The following ARL15 variants were observed in gnomAD, a reference collection of about 807,000 sequenced individuals.
ARL15 encodes ADP-ribosylation factor-like protein 15.
In ARL15, 19 loss-of-function variants were observed where a neutral mutation model predicts 25.2. That is an observed-to-expected ratio of 0.75 (90% CI 0.53 to 1.10). The LOEUF is 1.10. Among genes scored for constraint, ARL15 ranks in the 50% least tolerant of loss-of-function variants. The probability of loss-of-function intolerance (pLI) is 0.00; values close to 1 mark genes in which losing one functional copy is unlikely to be tolerated. For synonymous variants in ARL15, 94 were observed against 86.8 expected (o/e 1.08, Z -0.46); for missense variants, 220 against 246.0 (o/e 0.89, Z 0.71).
chr5:54,162,564 A>G (rs903085567), intron 2 of ARL15, among the ~76,000 whole-genome samples: 2 of 152,144 alleles, frequency 1.3e-5, no homozygotes, highest in Non-Finnish European at 2.9e-5. Flanking sequence ...TATGACGTTT[A>G]CTTATATATG....
intron 4 of ARL15, chr5:53,951,451 G>A (rs1746953376): frequency 1.5e-5 from 7 of 467,378 alleles, no homozygotes; most frequent in South Asian, 1.1e-4. Flanking sequence ...CTCAATTTCT[G>A]TATTTATCTT....
intron 1 of ARL15, among the ~76,000 whole-genome samples, chr5:54,229,491 G>C (rs1756610787): frequency 6.6e-6 from 1 of 151,922 alleles, no homozygotes; most frequent in Non-Finnish European, 1.5e-5. Context: ...ACGAAGATCT[G>C]GTATAAAATG....
chr5:54,179,173 T>C (rs1200091004), intron 1 of ARL15, among the ~76,000 whole-genome samples: 1 of 152,156 alleles, frequency 6.6e-6, no homozygotes, highest in Non-Finnish European at 1.5e-5. Context: ...GGGCGTGTCA[T>C]TCAAAGGAAA....
At chr5:53,990,456 A>G (rs1308625456) in intron 4 of ARL15, among the ~76,000 whole-genome samples, 1 of 152,208 alleles carries the variant, frequency 6.6e-6, no homozygotes, top group East Asian at 1.9e-4. Flanking sequence ...AAATCAATTT[A>G]AAGTGCTAAC....
Position 54,301,390 on chromosome 5 carries a change from T to C in ARL15, c.48+9042A>G, listed in dbSNP as rs891778121. The stretch of plus-strand genomic sequence containing the variant: ...CATATATGATAAAAAGCCAAAAACA[T>C]GCATGAGACTGTTACTCACTAACCT... On this transcript the variant is annotated intron_variant, in intron 1 of 4. Coordinates refer to ENST00000504924, the MANE Select transcript of ARL15 (RefSeq NM_019087.3). 2.0e-5 allele frequency among the ~76,000 whole-genome samples: 3 copies of C among 152,114 alleles called. No homozygotes were observed. In the East Asian group the frequency reaches 5.8e-4, roughly 29 times the overall value.
intron 4 of ARL15, among the ~76,000 whole-genome samples, chr5:54,006,051 C>CAAAAA (rs56094450): frequency 5.4e-4 from 31 of 57,488 alleles, no homozygotes; most frequent in African/African-American, 7.8e-4. Context: ...ATTACATCTC[C>CAAAAA]AAAAAAAAAA....
Position 54,286,883 on chromosome 5 carries a change from TA to T in ARL15, c.48+23548del, listed in dbSNP as rs770299430. 3.9e-3 allele frequency among the ~76,000 whole-genome samples: 580 copies of T among 149,302 alleles called. 3 individuals are homozygous for T. Among genetic ancestry groups the T allele is most frequent in the African/African-American group, 0.013 (506 of 40,356 alleles). ...TTGCAGGGCTTTTTTTTTTTTTTTT[TA>T]ATGAGACAGGGTCTTACTGTGTCAC... is the stretch of plus-strand genomic sequence containing the variant. On this transcript the variant is annotated intron_variant, in intron 1 of 4. Coordinates refer to ENST00000504924, the MANE Select transcript of ARL15 (RefSeq NM_019087.3).
chr5:54,228,081 A>G (rs1242708935), intron 1 of ARL15, among the ~76,000 whole-genome samples: 1 of 152,214 alleles, frequency 6.6e-6, no homozygotes, highest in Non-Finnish European at 1.5e-5. Flanking sequence ...GGCACCTTAC[A>G]TGAAAATTAT....
intron 4 of ARL15, among the ~76,000 whole-genome samples, chr5:53,907,475 T>TAC (rs1561143768): frequency 3.0e-4 from 9 of 29,742 alleles, no homozygotes; most frequent in African/African-American, 1.4e-3. Context: ...TATATATATA[T>TAC]ATATATATAT....
At chr5:53,995,344 T>TA (rs1748635572) in intron 4 of ARL15, among the ~76,000 whole-genome samples, 1 of 151,190 alleles carries the variant, frequency 6.6e-6, no homozygotes, top group African/African-American at 2.5e-5. Flanking sequence ...GGGGATTTTT[T>TA]TAAATGATGT....
chr5:54,132,158 T>C (rs1753457785), intron 3 of ARL15, among the ~76,000 whole-genome samples: 2 of 152,142 alleles, frequency 1.3e-5, no homozygotes, highest in African/African-American at 4.8e-5. Flanking sequence ...TGCCAATATG[T>C]ACATGGAAAA....
At chr5:53,962,899 A>C (rs953649056) in intron 4 of ARL15, among the ~76,000 whole-genome samples, 5 of 152,110 alleles carry the variant, frequency 3.3e-5, no homozygotes, top group Non-Finnish European at 5.9e-5. Context: ...TGTAAAACTA[A>C]TCTCAGCTTC....
intron 4 of ARL15, among the ~76,000 whole-genome samples, chr5:54,100,344 A>C (rs1752400352): frequency 6.6e-6 from 1 of 152,100 alleles, no homozygotes; most frequent in Non-Finnish European, 1.5e-5. Context: ...AAGGGGCTTT[A>C]AATGCAGCTT....
intron 4 of ARL15, among the ~76,000 whole-genome samples, chr5:53,931,441 G>A (rs960727851): frequency 3.3e-5 from 5 of 152,208 alleles, no homozygotes; most frequent in East Asian, 1.9e-4. Flanking sequence ...GGTAGATGGT[G>A]TGCCTGATGC....
rs185122373 is a variant in ARL15, at chr5:53,978,753, T to C, written c.463-92040A>G. 7.2e-5 allele frequency among the ~76,000 whole-genome samples: 11 copies of C among 152,162 alleles called. 1 individual carries two copies. In the East Asian group the frequency reaches 9.6e-4, roughly 13 times the overall value. On this transcript the variant is annotated intron_variant, in intron 4 of 4. Transcript: ENST00000504924. ...TATATACACACACATATATATTTTA[T>C]AGAAAGTAACAAAGTACCTCAAGAT... is the stretch of plus-strand genomic sequence containing the variant.
intron 4 of ARL15, among the ~76,000 whole-genome samples, chr5:54,075,056 CT>C (rs1172322611): frequency 2.0e-5 from 1 of 50,754 alleles, no homozygotes; most frequent in Non-Finnish European, 4.0e-5. Context: ...CAGAATGATT[CT>C]TAGTACAGAA....
At chr5:53,972,937 A>G (rs1436111160) in intron 4 of ARL15, among the ~76,000 whole-genome samples, 1 of 152,216 alleles carries the variant, frequency 6.6e-6, no homozygotes, top group Non-Finnish European at 1.5e-5. Context: ...CATGTTTGCA[A>G]TGACCTAAAG....
chr5:54,128,649 T>C (rs1753334582), intron 3 of ARL15, among the ~76,000 whole-genome samples: 1 of 152,116 alleles, frequency 6.6e-6, no homozygotes, highest in Non-Finnish European at 1.5e-5. Context: ...CTATGTCATT[T>C]AGGCTTCAAC....
Position 53,884,564 on chromosome 5 carries a change from A to C in ARL15, c.*1997T>G, listed in dbSNP as rs1486806061. On this transcript the variant is annotated 3_prime_UTR_variant, in exon 5 of 5. Coordinates refer to ENST00000504924, the MANE Select transcript of ARL15 (RefSeq NM_019087.3). The stretch of plus-strand genomic sequence containing the variant: ...ATTAGGCGTCAGACAGAAACTTGTC[A>C]AAAACAGCTGTTGTTGGGTACTGAT... 6.6e-6 allele frequency: 1 copy of C among 152,116 alleles called. No individual in the cohort carries two copies. Among genetic ancestry groups the C allele is most frequent in the Non-Finnish European group, 1.5e-5 (1 of 68,042 alleles). 9.4% of individuals were successfully genotyped at this position (152,116 alleles called of 1,614,324 possible).
Sources: gnomAD v4.1 joint callset for allele counts (sites outside exome capture counted in the v4.1 genomes callset) on GRCh38, gnomAD v4.1.1 for gene constraint, MANE v1.5 for transcripts, NCBI Gene and HGNC (gene_info 2026-07-23, HGNC 2026-07-21) for gene names.